Variants in KIR2DL1 observed in about 807,000 individuals in gnomAD.
KIR2DL1 encodes killer cell immunoglobulin-like receptor 2DL1.
Under a neutral mutation model 33.9 loss-of-function variants are expected in KIR2DL1, and 38 were observed. That is an observed-to-expected ratio of 1.12 (90% CI 0.86 to 1.47). The LOEUF (loss-of-function observed/expected upper bound fraction) is 1.47, where lower values mean the gene tolerates loss of function less well. Among genes scored for constraint, KIR2DL1 ranks in the 40% most tolerant of loss-of-function variants. The pLI, the probability that KIR2DL1 is intolerant of heterozygous loss-of-function variation, is 0.00. For synonymous variants in KIR2DL1, 179 were observed against 165.9 expected (o/e 1.08, Z -0.61); for missense variants, 531 against 433.9 (o/e 1.22, Z -1.99).
In KIR2DL1 at chr19:54,778,458, G is replaced by A. The variant is rs193217535; in HGVS notation, c.665-154G>A. 6.0e-4 allele frequency among the ~76,000 whole-genome samples: 88 copies of A among 145,486 alleles called. 3 individuals are homozygous for A. Among genetic ancestry groups the A allele is most frequent in the Admixed American group, 1.9e-3 (27 of 14,092 alleles). ...ATCTTGAAGTCTCAAGACAGTGGGTGTCATATAAAAAAATTATGGAAAAAA... is the reference window on the plus strand; with the variant it reads ...ATCTTGAAGTCTCAAGACAGTGGGTATCATATAAAAAAATTATGGAAAAAA... On this transcript the variant is annotated intron_variant, in intron 4 of 7. Transcript: ENST00000336077.
intron 2 of KIR2DL1, among the ~76,000 whole-genome samples, chr19:54,772,370 G>C (rs1384853017): frequency 3.4e-5 from 5 of 147,530 alleles, no homozygotes; most frequent in Non-Finnish European, 7.6e-5. Context: ...TGAGTCTCCA[G>C]AGGGAACGAA....
chr19:54,777,396 G>A lies in KIR2DL1; in HGVS notation c.665-1216G>A, dbSNP rs532289760. ...GTGAGCCACCTCACCCGGCCTAAAA[G>A]CCATTTTAATGGGGTGAGATGAAAA... is the stretch of plus-strand genomic sequence containing the variant. On this transcript the variant is annotated intron_variant, in intron 4 of 7. Transcript: ENST00000336077. Among the ~76,000 whole-genome samples, 4 of 147,800 alleles carry A rather than the reference G, an allele frequency of 2.7e-5. 1 individual carries two copies. The highest frequency in any genetic ancestry group is 1.4e-4 in the Admixed American group (2 of 14,646).
At chr19:54,782,470 C>T (rs2077092118) in intron 5 of KIR2DL1, among the ~76,000 whole-genome samples, 1 of 152,064 alleles carries the variant, frequency 6.6e-6, no homozygotes, top group Non-Finnish European at 1.5e-5. Flanking sequence ...TGTGCAGAGA[C>T]CACAGAGATC....
At chr19:54,780,670 G>A (rs1447014380) in intron 5 of KIR2DL1, among the ~76,000 whole-genome samples, 1 of 143,020 alleles carries the variant, frequency 7.0e-6, no homozygotes, top group Non-Finnish European at 1.5e-5. Flanking sequence ...TGCTGATTTA[G>A]ACACTAAATG....
chr19:54,774,270 G>T (rs1386136698), intron 3 of KIR2DL1, among the ~76,000 whole-genome samples: 1 of 148,166 alleles, frequency 6.7e-6, no homozygotes. Context: ...AAAAAGCAAA[G>T]ACATAAACAC....
chr19:54,778,074 A>ATG (rs2076551627), intron 4 of KIR2DL1, among the ~76,000 whole-genome samples: 1 of 136,010 alleles, frequency 7.4e-6, no homozygotes, highest in African/African-American at 2.7e-5. Flanking sequence ...TAGTCTGGCC[A>ATG]ACGTGATGAA....
At position 54,775,377 on chromosome 19, in the gene KIR2DL1, A is replaced by T. The variant is rs756659288; in HGVS notation, c.583A>T (p.Thr195Ser). 2.0e-5 allele frequency: 31 copies of T among 1,583,566 alleles called. 6 individuals are homozygous for T. The highest frequency in any genetic ancestry group is 2.7e-5 in the Non-Finnish European group (31 of 1,155,800). ...TCTGGGCCCTGCCACCCACGGAGGG[A>T]CCTACAGATGCTTCGGCTCTTTCCA... ...FPLGPATHGG[T>S]YRCFGSFHDS... is the part of the protein sequence containing the mutation. Residue 195 changes from threonine (T) to serine (S), a missense_variant, in exon 4 of 8, where the codon ACC becomes TCC. Thr to Ser is a moderately conservative substitution (Grantham distance 58, BLOSUM62 1). Transcript: ENST00000336077.
chr19:54,784,187 T>TTGTTCCACCTTCCCTCATGC lies in KIR2DL1; in HGVS notation c.*385_*404dup, dbSNP rs2077422574. ...TCTTAACGCAGCACTTAGACACGTG[T>TTGTTCCACCTTCCCTCATGC]TGTTCCACCTTCCCTCATGCTGTTC... On this transcript the variant is annotated 3_prime_UTR_variant, in exon 8 of 8. Transcript: ENST00000336077. 8.4e-6 allele frequency: 3 copies of TTGTTCCACCTTCCCTCATGC among 356,908 alleles called. No homozygotes were observed. Among genetic ancestry groups the TTGTTCCACCTTCCCTCATGC allele is most frequent in the South Asian group, 6.9e-5 (2 of 29,026 alleles). The allele number at this position is 356,908 out of a possible 1,614,324, so 22.1% of individuals were successfully genotyped here.
At chr19:54,774,312 A>G (rs200240090) in intron 3 of KIR2DL1, among the ~76,000 whole-genome samples, 2 of 144,988 alleles carry the variant, frequency 1.4e-5, no homozygotes, top group African/African-American at 5.0e-5. Flanking sequence ...GGAGATTGAG[A>G]GACTCACAGA....
Position 54,776,648 on chromosome 19 carries a change from T to A in KIR2DL1, c.664+1190T>A, listed in dbSNP as rs1312492178. On this transcript the variant is annotated intron_variant, in intron 4 of 7. Coordinates refer to ENST00000336077, the MANE Select transcript of KIR2DL1 (RefSeq NM_014218.3). ...ATGAAAGTTCTCTTTTTTTTTTTTTTTTCTTTTTTGAGAAAGAGTTTCCCT... is the reference window on the plus strand; with the variant it reads ...ATGAAAGTTCTCTTTTTTTTTTTTTATTCTTTTTTGAGAAAGAGTTTCCCT... Among the ~76,000 whole-genome samples, 17 of 144,534 alleles carry A rather than the reference T, an allele frequency of 1.2e-4. No homozygotes were observed. The East Asian group carries it at 3.3e-3, about 28-fold the overall frequency. 94.8% of individuals were successfully genotyped at this position (144,534 alleles called of 152,430 possible).
At chr19:54,780,633 A>C (rs1279631578) in intron 5 of KIR2DL1, among the ~76,000 whole-genome samples, 1 of 143,490 alleles carries the variant, frequency 7.0e-6, no homozygotes, top group East Asian at 1.9e-4. Context: ...TGGAAAAGGC[A>C]ATTGCCGCCC....
chr19:54,781,776 C>CT (rs1182548402), intron 5 of KIR2DL1, among the ~76,000 whole-genome samples: 6 of 152,128 alleles, frequency 3.9e-5, no homozygotes, highest in African/African-American at 1.2e-4. Flanking sequence ...TTCTATTTCG[C>CT]TTTTTTTATC....
At position 54,783,801 on chromosome 19, in the gene KIR2DL1, C is replaced by A. The variant is rs765912396; in HGVS notation, c.1035C>A (p.Val345=). 6.2e-7 allele frequency: 1 copy of A among 1,614,008 alleles called. No individual in the cohort carries two copies. The highest frequency in any genetic ancestry group is 1.7e-5 in the Admixed American group (1 of 60,022). Residue 345 remains valine, a synonymous_variant, in exon 8 of 8, where the codon GTC becomes GTA. Transcript: ENST00000336077. Reference sequence around the variant, plus strand: ...ATGCTGAGTCCAGATCCAAAGTTGTCTCCTGCCCATGAGCACCACAGTCAG... The same window carrying A: ...ATGCTGAGTCCAGATCCAAAGTTGTATCCTGCCCATGAGCACCACAGTCAG... ...LPNAESRSKV[V]SCP
intron 1 of KIR2DL1, 126 bp from the exon 2 acceptor site, chr19:54,770,723 C>A: frequency 7.5e-7 from 1 of 1,339,546 alleles, no homozygotes; most frequent in Non-Finnish European, 1.1e-6. Flanking sequence ...TGCAGGTAGG[C>A]ACTGAGGGTG....
intron 2 of KIR2DL1, 55 bp downstream of exon 2, chr19:54,770,939 T>C: frequency 6.4e-7 from 1 of 1,568,080 alleles, no homozygotes; most frequent in South Asian, 1.1e-5. Context: ...AGGATTTTCC[T>C]GAAATGGGAG....
Position 54,773,519 on chromosome 19 carries a change from C to T in KIR2DL1, c.257C>T (p.Ser86Phe), listed in dbSNP as rs765722009. ...HHDGVSKANF[S>F]ISRMTQDLAG... ...GATGGGGTCTCCAAGGCCAACTTCT[C>T]CATCAGTCGCATGACGCAAGACCTG... Residue 86 changes from serine (S) to phenylalanine (F), a missense_variant, in exon 3 of 8, where the codon TCC (serine) becomes TTC (phenylalanine). Coordinates refer to ENST00000336077, the MANE Select transcript of KIR2DL1 (RefSeq NM_014218.3). 6.9e-5 allele frequency: 109 copies of T among 1,584,314 alleles called. 5 individuals carry two copies. In the South Asian group the frequency reaches 1.1e-3, roughly 17 times the overall value.
intron 2 of KIR2DL1, among the ~76,000 whole-genome samples, chr19:54,772,843 G>T (rs1418252811): frequency 2.1e-5 from 3 of 145,110 alleles, no homozygotes. Context: ...CCAGCACCAG[G>T]AGCCAGCCTA....
At chr19:54,774,626 CAGATAGAT>C (rs370853794) in intron 3 of KIR2DL1, among the ~76,000 whole-genome samples, 1 of 146,414 alleles carries the variant, frequency 6.8e-6, no homozygotes, top group Non-Finnish European at 1.5e-5. Flanking sequence ...ATGATGAAGA[CAGATAGAT>C]AGATAATACA....
intron 5 of KIR2DL1, 106 bp from the exon 6 acceptor site, chr19:54,782,816 C>T (rs1286694534): frequency 1.6e-6 from 2 of 1,262,778 alleles, no homozygotes; most frequent in Non-Finnish European, 1.2e-6. Context: ...GGTGCTTGTC[C>T]TAAAGAGGTG....
Sources: allele counts gnomAD v4.1 joint callset (sites outside exome capture counted in the v4.1 genomes callset), GRCh38; gene constraint gnomAD v4.1.1; transcripts MANE v1.5; gene names NCBI Gene and HGNC (gene_info 2026-07-23, HGNC 2026-07-21).